The following RABGAP1L variants were observed in gnomAD, a reference collection of about 807,000 sequenced individuals.
RABGAP1L encodes the protein RAB GTPase activating protein 1 like.
In RABGAP1L, 63 loss-of-function variants were observed where a neutral mutation model predicts 137.7. The ratio of observed to expected loss-of-function variants is 0.46; its 90% CI spans 0.37 to 0.56. The LOEUF is 0.56. Ranked by LOEUF, RABGAP1L falls within the 20% of genes least tolerant of loss-of-function variation. RABGAP1L has a pLI of 0.00. For missense variants in RABGAP1L, 1,095 were observed against 1,244.0 expected (o/e 0.88, Z 1.80); for synonymous variants, 431 against 433.7 (o/e 0.99, Z 0.08).
chr1:174,652,832 G>T (rs1036389156), intron 14 of RABGAP1L, among the ~76,000 whole-genome samples: 1 of 152,224 alleles, frequency 6.6e-6, no homozygotes, highest in African/African-American at 2.4e-5. Context: ...ACAGTGATGA[G>T]AGATCTGCTG....
intron 12 of RABGAP1L, among the ~76,000 whole-genome samples, chr1:174,372,211 C>G (rs1309381848): frequency 6.6e-6 from 1 of 151,792 alleles, no homozygotes; most frequent in Non-Finnish European, 1.5e-5. Flanking sequence ...GTAATTTATT[C>G]AATAGCAAAA....
At chr1:174,503,137 C>G (rs532428170) in intron 13 of RABGAP1L, among the ~76,000 whole-genome samples, 1 of 152,210 alleles carries the variant, frequency 6.6e-6, no homozygotes, top group African/African-American at 2.4e-5. Flanking sequence ...AAACTATGAC[C>G]TGGAGTCCAA....
At chr1:174,204,396 C>G (rs984818419) in intron 1 of RABGAP1L, among the ~76,000 whole-genome samples, 1 of 152,236 alleles carries the variant, frequency 6.6e-6, no homozygotes, top group East Asian at 1.9e-4. Flanking sequence ...TGTTTGAATG[C>G]TCTTTCTTAC....
intron 14 of RABGAP1L, among the ~76,000 whole-genome samples, chr1:174,681,711 A>G (rs1383252558): frequency 6.6e-6 from 1 of 151,850 alleles, no homozygotes; most frequent in African/African-American, 2.4e-5. Context: ...AATAAAGTTT[A>G]TGTTTTTGAG....
chr1:174,474,539 C>T (rs1658281414), intron 13 of RABGAP1L, among the ~76,000 whole-genome samples: 1 of 152,132 alleles, frequency 6.6e-6, no homozygotes, highest in South Asian at 2.1e-4. Context: ...CCAGGATCTA[C>T]CACTTATTAC....
intron 13 of RABGAP1L, among the ~76,000 whole-genome samples, chr1:174,412,961 A>G (rs533589138): frequency 2.3e-4 from 35 of 152,186 alleles, no homozygotes; most frequent in African/African-American, 8.2e-4. Flanking sequence ...CATTTTGTGT[A>G]GTATCTCACA....
At chr1:174,324,419 C>G (rs1680267036) in intron 11 of RABGAP1L, among the ~76,000 whole-genome samples, 1 of 151,982 alleles carries the variant, frequency 6.6e-6, no homozygotes, top group African/African-American at 2.4e-5. Flanking sequence ...ATAGGAAACA[C>G]AGGGGGGAGG....
At chr1:174,380,286 A>G (rs1410115382) in intron 12 of RABGAP1L, among the ~76,000 whole-genome samples, 1 of 152,134 alleles carries the variant, frequency 6.6e-6, no homozygotes, top group Non-Finnish European at 1.5e-5. Context: ...TTGGTATCAG[A>G]ATGATGCTGG....
At chr1:174,311,707 A>G (rs924011924) in intron 11 of RABGAP1L, among the ~76,000 whole-genome samples, 12 of 152,154 alleles carry the variant, frequency 7.9e-5, no homozygotes, top group African/African-American at 2.7e-4. Context: ...CTTGGGTTCA[A>G]GCGATTCTCT....
intron 14 of RABGAP1L, among the ~76,000 whole-genome samples, chr1:174,680,444 T>C (rs1677973152): frequency 6.6e-6 from 1 of 152,196 alleles, no homozygotes; most frequent in East Asian, 1.9e-4. Flanking sequence ...GGTGCCTTGA[T>C]CTTGGATTTT....
intron 18 of RABGAP1L, among the ~76,000 whole-genome samples, chr1:174,796,370 G>T (rs1688242751): frequency 6.6e-6 from 1 of 152,172 alleles, no homozygotes; most frequent in Non-Finnish European, 1.5e-5. Context: ...AAGTATTTGG[G>T]ATTTGGGGAG....
intron 19 of RABGAP1L, among the ~76,000 whole-genome samples, chr1:174,851,339 C>T (rs1648291180): frequency 6.6e-6 from 1 of 152,178 alleles, no homozygotes; most frequent in Non-Finnish European, 1.5e-5. Flanking sequence ...GGAACAGTGT[C>T]ATGTGTCAGC....
At chr1:174,359,941 C>G (rs1683988463) in intron 11 of RABGAP1L, among the ~76,000 whole-genome samples, 1 of 152,200 alleles carries the variant, frequency 6.6e-6, no homozygotes, top group African/African-American at 2.4e-5. Context: ...TTCCCAGCCT[C>G]TTTGGCCAAG....
intron 5 of RABGAP1L, among the ~76,000 whole-genome samples, chr1:174,248,177 G>T (rs889268902): frequency 6.6e-6 from 1 of 152,136 alleles, no homozygotes; most frequent in Admixed American, 6.6e-5. Flanking sequence ...ATCCAGCTGA[G>T]GCTGAACCTT....
chr1:174,538,321 T>G (rs1004559311), intron 13 of RABGAP1L, among the ~76,000 whole-genome samples: 5 of 152,212 alleles, frequency 3.3e-5, no homozygotes, highest in Non-Finnish European at 5.9e-5. Flanking sequence ...CTTCTAAATT[T>G]TATTAGTATT....
At chr1:174,521,946 G>A (rs568111724) in intron 13 of RABGAP1L, among the ~76,000 whole-genome samples, 2 of 152,222 alleles carry the variant, frequency 1.3e-5, no homozygotes, top group South Asian at 4.2e-4. Flanking sequence ...AGATGTGGTG[G>A]TGCGCACCTG....
chr1:174,641,623 T>C (rs1260571159), intron 14 of RABGAP1L, among the ~76,000 whole-genome samples: 2 of 152,180 alleles, frequency 1.3e-5, no homozygotes, highest in Admixed American at 1.3e-4. Flanking sequence ...TTTGCATTTT[T>C]ATTATTTAAC....
intron 1 of RABGAP1L, among the ~76,000 whole-genome samples, chr1:174,167,637 T>C (rs1156629784): frequency 6.6e-6 from 1 of 152,218 alleles, no homozygotes; most frequent in Non-Finnish European, 1.5e-5. Flanking sequence ...ATTTCTCAAC[T>C]TCTCCTTTAC....
chr1:174,905,276 C>T (rs1375820299), intron 19 of RABGAP1L, among the ~76,000 whole-genome samples: 2 of 152,164 alleles, frequency 1.3e-5, no homozygotes, highest in African/African-American at 4.8e-5. Flanking sequence ...GACAGAGCAA[C>T]AATTCAGTCA....
Sources: gnomAD v4.1 joint callset for allele counts (sites outside exome capture counted in the v4.1 genomes callset) on GRCh38, gnomAD v4.1.1 for gene constraint, MANE v1.5 for transcripts, NCBI Gene and HGNC (gene_info 2026-07-23, HGNC 2026-07-21) for gene names.